The following NFIA variants were observed in gnomAD, a reference collection of about 807,000 sequenced individuals.
NFIA encodes nuclear factor 1 A-type.
In NFIA, 8 loss-of-function variants were observed where a neutral mutation model predicts 62.8. That is an observed-to-expected ratio of 0.13 (90% confidence interval 0.07 to 0.23). The LOEUF (loss-of-function observed/expected upper bound fraction) is 0.23, where lower values mean the gene tolerates loss of function less well. Ranked by LOEUF, NFIA falls within the 10% of genes least tolerant of loss-of-function variation. The pLI, the probability that NFIA is intolerant of heterozygous loss-of-function variation, is 1.00. For missense variants in NFIA, 410 were observed against 642.1 expected (o/e 0.64, Z 3.91); for synonymous variants, 235 against 238.1 (o/e 0.99, Z 0.12).
At chr1:61,118,598 CGCATTCATACTAA>C (rs1646832614) in intron 2 of NFIA, among the ~76,000 whole-genome samples, 1 of 151,840 alleles carries the variant, frequency 6.6e-6, no homozygotes, top group Admixed American at 6.6e-5. Context: ...AGGATGAGGC[CGCATTCATACTAA>C]GCATCCAAGT....
At chr1:61,206,485 G>T (rs150628059) in intron 2 of NFIA, among the ~76,000 whole-genome samples, 2 of 152,248 alleles carry the variant, frequency 1.3e-5, no homozygotes, top group African/African-American at 4.8e-5. Flanking sequence ...ACTTCCATGG[G>T]CTTTAGACTG....
intron 6 of NFIA, among the ~76,000 whole-genome samples, chr1:61,376,293 TAAGAG>T (rs1206002741): frequency 6.6e-6 from 1 of 152,278 alleles, no homozygotes; most frequent in Non-Finnish European, 1.5e-5. Flanking sequence ...CAACAAGTCT[TAAGAG>T]AAGAATTTTT....
At chr1:61,198,520 T>C (rs569810927) in intron 2 of NFIA, among the ~76,000 whole-genome samples, 1 of 152,326 alleles carries the variant, frequency 6.6e-6, no homozygotes, top group South Asian at 2.1e-4. Flanking sequence ...TCAATGGCTG[T>C]ATTGTTTTGA....
chr1:61,376,242 T>G (rs1184173854), intron 6 of NFIA, among the ~76,000 whole-genome samples: 1 of 152,202 alleles, frequency 6.6e-6, no homozygotes, highest in Non-Finnish European at 1.5e-5. Flanking sequence ...GTGAGCTATT[T>G]ATTACTGCAT....
At position 61,385,394 on chromosome 1, in the gene NFIA, G is replaced by A. The variant is rs371150275; in HGVS notation, c.1075+2029G>A. ...GTATGCCAGCAATCAGGAGAGCTGG[G>A]TAGGCTCCCTCTTTTCCTTCCCACT... On this transcript the variant is annotated intron_variant, in intron 7 of 10. Coordinates refer to ENST00000403491, the MANE Select transcript of NFIA (RefSeq NM_001134673.4). 2.4e-4 allele frequency among the ~76,000 whole-genome samples: 37 copies of A among 152,326 alleles called. No individual in the cohort carries two copies. The East Asian group carries it at 3.5e-3, about 14-fold the overall frequency.
intron 2 of NFIA, among the ~76,000 whole-genome samples, chr1:61,118,381 A>G (rs911305532): frequency 3.9e-5 from 6 of 152,086 alleles, no homozygotes; most frequent in Admixed American, 2.0e-4. Flanking sequence ...TTGGCTGCCC[A>G]CTGTATACCA....
chr1:61,250,091 T>C (rs1293827069), intron 2 of NFIA: 2 of 152,222 alleles, frequency 1.3e-5, no homozygotes, highest in East Asian at 1.9e-4. Flanking sequence ...TCTGAGATGC[T>C]GGGTGCAAGG....
chr1:61,395,987 A>C (rs560553704), intron 7 of NFIA, among the ~76,000 whole-genome samples: 2 of 152,172 alleles, frequency 1.3e-5, no homozygotes, highest in Admixed American at 1.3e-4. Context: ...CAGTTGTACT[A>C]TTTGTAAATG....
In NFIA at chr1:61,082,696, C is replaced by A; in HGVS notation, c.-96C>A. 6.5e-7 allele frequency: 1 copy of A among 1,530,588 alleles called. No homozygotes were observed. The highest frequency in any genetic ancestry group is 8.8e-7 in the Non-Finnish European group (1 of 1,133,966). The allele number at this position is 1,530,588 out of a possible 1,614,324, so 94.8% of individuals were successfully genotyped here. Reference sequence around the variant, plus strand: ...CTTCTCTCTCTCTCTCTCTCTCTCTCTTCCTCTCTCCCTCTTTCTCCTCTC... The same window carrying A: ...CTTCTCTCTCTCTCTCTCTCTCTCTATTCCTCTCTCCCTCTTTCTCCTCTC... On this transcript the variant is annotated 5_prime_UTR_variant, in exon 1 of 11. Coordinates refer to ENST00000403491, the MANE Select transcript of NFIA (RefSeq NM_001134673.4).
At chr1:61,453,845 A>G (rs1360446982) in intron 10 of NFIA, among the ~76,000 whole-genome samples, 1 of 152,102 alleles carries the variant, frequency 6.6e-6, no homozygotes, top group Admixed American at 6.5e-5. Context: ...GATTTAGGCC[A>G]TGTGTATTTG....
At chr1:61,258,436 A>G (rs552826282) in intron 2 of NFIA, among the ~76,000 whole-genome samples, 4 of 152,296 alleles carry the variant, frequency 2.6e-5, no homozygotes, top group African/African-American at 9.6e-5. Context: ...GCAGTCATCT[A>G]TAGATGTAAC....
In NFIA at chr1:61,364,730, G is replaced by A. The variant is rs1663490253; in HGVS notation, c.946+5456G>A. ...TAGCTCCGTATTAAGAATCCCAACA[G>A]TGAATCCTTTGTAGAACATTTTATG... On this transcript the variant is annotated intron_variant, in intron 6 of 10. Coordinates refer to ENST00000403491, the MANE Select transcript of NFIA (RefSeq NM_001134673.4). 4.6e-5 allele frequency among the ~76,000 whole-genome samples: 7 copies of A among 152,144 alleles called. No homozygotes were observed. In the South Asian group the frequency reaches 1.5e-3, roughly 32 times the overall value.
intron 10 of NFIA, among the ~76,000 whole-genome samples, chr1:61,440,979 A>G (rs1667547011): frequency 6.6e-6 from 1 of 152,224 alleles, no homozygotes; most frequent in Non-Finnish European, 1.5e-5. Context: ...AATAAAGTTC[A>G]TATCATTTTA....
chr1:61,386,084 G>T (rs370600042), intron 7 of NFIA, among the ~76,000 whole-genome samples: 24 of 152,306 alleles, frequency 1.6e-4, no homozygotes, highest in African/African-American at 5.8e-4. Flanking sequence ...TAAAAGGTTG[G>T]AATTCAGCCT....
chr1:61,231,222 A>C (rs1331183568), intron 2 of NFIA, among the ~76,000 whole-genome samples: 1 of 152,174 alleles, frequency 6.6e-6, no homozygotes, highest in African/African-American at 2.4e-5. Flanking sequence ...TGGGACAGTT[A>C]CTTTAAAATT....
chr1:61,262,084 A>T (rs1361447858), intron 2 of NFIA, among the ~76,000 whole-genome samples: 1 of 152,172 alleles, frequency 6.6e-6, no homozygotes, highest in African/African-American at 2.4e-5. Flanking sequence ...TTCTTCTCTA[A>T]GAGTCTTGGG....
intron 3 of NFIA, among the ~76,000 whole-genome samples, chr1:61,290,455 A>C (rs1229344882): frequency 2.0e-5 from 3 of 152,234 alleles, no homozygotes; most frequent in African/African-American, 7.2e-5. Context: ...CAAGTGAGCA[A>C]GACAAAGTTC....
At chr1:61,392,894 C>T (rs2499506) in intron 7 of NFIA, among the ~76,000 whole-genome samples, 46,317 of 152,050 alleles carry the variant, frequency 0.3, 7,429 homozygotes, top group East Asian at 0.58. Flanking sequence ...ATTCCTTTGC[C>T]CCTTTCTCTC....
chr1:61,128,570 G>A (rs1187811210), intron 2 of NFIA, among the ~76,000 whole-genome samples: 2 of 152,110 alleles, frequency 1.3e-5, no homozygotes, highest in East Asian at 1.9e-4. Flanking sequence ...CCCAACCTGG[G>A]TGACAGAGTG....
Sources: gnomAD v4.1 joint callset for allele counts (sites outside exome capture counted in the v4.1 genomes callset) on GRCh38, gnomAD v4.1.1 for gene constraint, MANE v1.5 for transcripts, NCBI Gene and HGNC (gene_info 2026-07-23, HGNC 2026-07-21) for gene names.